Variants in LY6G5C observed in about 807,000 individuals in gnomAD.
The protein encoded by LY6G5C is lymphocyte antigen 6 family member G5C.
A neutral mutation model predicts 10.5 loss-of-function variants in LY6G5C; 6 were observed. The ratio of observed to expected loss-of-function variants is 0.57; its 90% CI spans 0.31 to 1.12. The LOEUF (loss-of-function observed/expected upper bound fraction) is 1.12. Ranked by LOEUF, LY6G5C falls within the 50% of genes most tolerant of loss-of-function variation. LY6G5C has a pLI of 0.05. For synonymous variants in LY6G5C, 69 were observed against 67.8 expected (o/e 1.02, Z -0.09); for missense variants, 160 against 185.5 (o/e 0.86, Z 0.80).
chr6:31,677,134 G>A lies in LY6G5C; in HGVS notation c.290-14C>T. 6.2e-7 allele frequency: 1 copy of A among 1,611,212 alleles called. No individual in the cohort carries two copies. Among genetic ancestry groups the A allele is most frequent in the Non-Finnish European group, 8.5e-7 (1 of 1,179,152 alleles). Reference sequence around the variant, plus strand: ...CAGAACCGCTGCCTGGGGAGGGACAGTGGGCACCAGTGATACGGAAGTCCC... The same window carrying A: ...CAGAACCGCTGCCTGGGGAGGGACAATGGGCACCAGTGATACGGAAGTCCC... On this transcript the variant is annotated splice_polypyrimidine_tract_variant and intron_variant, in intron 2 of 2. Transcript: ENST00000383237.
chr6:31,677,188 C>T, intron 2 of LY6G5C, 68 bp from the exon 3 acceptor site: 1 of 1,473,458 alleles, frequency 6.8e-7, no homozygotes, highest in Non-Finnish European at 9.3e-7. Context: ...CTCTCATCCC[C>T]ACACTCATAA....
Position 31,679,972 on chromosome 6 carries a change from G to C in LY6G5C, c.121+281C>G, listed in dbSNP as rs1029912796. The stretch of plus-strand genomic sequence containing the variant: ...TGAGGCATGAGAATCGCTTGAACCC[G>C]GGAGGTGGAGGTTGCAGTGAGCCGA... On this transcript the variant is annotated intron_variant, in intron 1 of 2. Coordinates refer to ENST00000383237, the Ensembl canonical transcript of LY6G5C. The surrounding 1 kb of genome is among the most constrained non-coding windows in gnomAD (Gnocchi z 4.4). 7 of 293,058 alleles carry C rather than the reference G, an allele frequency of 2.4e-5. No homozygotes were observed. Among genetic ancestry groups the C allele is most frequent in the Admixed American group, 1.7e-4 (4 of 22,920 alleles). The allele number at this position is 293,058 out of a possible 1,614,324, so 18.2% of individuals were successfully genotyped here.
In LY6G5C at chr6:31,679,644, T is replaced by C; in HGVS notation, c.122-376A>G. ...ATTCTGGTTTTCTCATCCAGCACAC[T>C]CCCTAACCCTCCCTATTCTATGTTG... On this transcript the variant is annotated intron_variant, in intron 1 of 2. Transcript: ENST00000383237. This position sits in a 1 kb window ranked among gnomAD's most constrained non-coding sequence, Gnocchi z 4.4. The C allele has an allele frequency of 3.3e-6, 1 of 304,468 alleles. No individual in the cohort carries two copies. Among genetic ancestry groups the C allele is most frequent in the Non-Finnish European group, 6.3e-6 (1 of 159,190 alleles). 18.9% of individuals were successfully genotyped at this position (304,468 alleles called of 1,614,324 possible).
At chr6:31,680,508 A>C, upstream of LY6G5C, 1 of 976,788 alleles carries the variant, frequency 1.0e-6, no homozygotes. The surrounding 1 kb of genome is among the most constrained non-coding windows in gnomAD (Gnocchi z 4.5). Context: ...TCGCACCCAC[A>C]GCCACTCTGG....
chr6:31,680,429 G>A, upstream of LY6G5C: 6 of 1,559,868 alleles, frequency 3.8e-6, no homozygotes, highest in Middle Eastern at 2.3e-4. This position sits in a 1 kb window ranked among gnomAD's most constrained non-coding sequence, Gnocchi z 4.5. Context: ...GGTTGGCCAA[G>A]AGGAAGGAGA....
intron 2 of LY6G5C, among the ~76,000 whole-genome samples, chr6:31,677,763 C>T (rs749961241): frequency 6.6e-6 from 1 of 151,734 alleles, no homozygotes; most frequent in Non-Finnish European, 1.5e-5. Context: ...TGGGTTGGGG[C>T]GGGGGAAGAG....
chr6:31,681,063 T>C, upstream of LY6G5C, among the ~76,000 whole-genome samples: 1 of 130,386 alleles, frequency 7.7e-6, no homozygotes, highest in Admixed American at 7.7e-5. Context: ...ACATGTGGTC[T>C]GTCTCAAAAA....
chr6:31,680,965 T>C (rs369671960), upstream of LY6G5C, among the ~76,000 whole-genome samples: 10 of 150,400 alleles, frequency 6.6e-5, no homozygotes, highest in African/African-American at 2.0e-4. The surrounding 1 kb of genome is among the most constrained non-coding windows in gnomAD (Gnocchi z 4.5). Flanking sequence ...GTTAGAAGAC[T>C]GGACAGATTT....
Position 31,679,996 on chromosome 6 carries a change from G to A in LY6G5C, c.121+257C>T, listed in dbSNP as rs1245865065. ...CGGGAGGTGGAGGTTGCAGTGAGCC[G>A]AGATCTCGCCACTGCACTCCGGCCT... On this transcript the variant is annotated intron_variant, in intron 1 of 2. Transcript: ENST00000383237. This position sits in a 1 kb window ranked among gnomAD's most constrained non-coding sequence, Gnocchi z 4.4. The A allele has an allele frequency of 2.0e-5, 7 of 347,896 alleles. No homozygotes were observed. Among genetic ancestry groups the A allele is most frequent in the Middle Eastern group, 8.9e-4 (1 of 1,126 alleles). 21.6% of individuals were successfully genotyped at this position (347,896 alleles called of 1,614,324 possible).
At chr6:31,680,520 G>T, upstream of LY6G5C, 1 of 844,996 alleles carries the variant, frequency 1.2e-6, no homozygotes, top group Non-Finnish European at 1.8e-6. This position sits in a 1 kb window ranked among gnomAD's most constrained non-coding sequence, Gnocchi z 4.5. Context: ...CCACTCTGGG[G>T]CATAACATCC....
chr6:31,680,875 A>G (rs1013249781), upstream of LY6G5C, among the ~76,000 whole-genome samples: 4 of 152,276 alleles, frequency 2.6e-5, no homozygotes, highest in South Asian at 2.1e-4. This position sits in a 1 kb window ranked among gnomAD's most constrained non-coding sequence, Gnocchi z 4.5. Flanking sequence ...GCTATTCCCG[A>G]GTCCGGTCAC....
chr6:31,679,311 A>G lies in LY6G5C; in HGVS notation c.122-43T>C. On this transcript the variant is annotated intron_variant, in intron 1 of 2. Transcript: ENST00000383237. The surrounding 1 kb of genome is among the most constrained non-coding windows in gnomAD (Gnocchi z 4.4). ...GCTGACCCCACTCACACCCCATTCT[A>G]CCTCACACCCTACCACTGCCTGATT... The G allele has an allele frequency of 2.5e-6, 4 of 1,608,556 alleles. No homozygotes were observed. Among genetic ancestry groups the G allele is most frequent in the Non-Finnish European group, 3.4e-6 (4 of 1,176,130 alleles).
intron 2 of LY6G5C, among the ~76,000 whole-genome samples, chr6:31,678,707 G>A (rs752495916): frequency 1.3e-5 from 2 of 152,154 alleles, no homozygotes; most frequent in East Asian, 3.9e-4. Flanking sequence ...GGCTGGGCAC[G>A]GTGGCTCACG....
chr6:31,677,364 TGAG>T (rs1457219068), intron 2 of LY6G5C, among the ~76,000 whole-genome samples: 1 of 152,038 alleles, frequency 6.6e-6, no homozygotes, highest in Non-Finnish European at 1.5e-5. Flanking sequence ...CTGAGCCAAG[TGAG>T]GAGAACTAGC....
chr6:31,680,158 C>G lies in LY6G5C; in HGVS notation c.121+95G>C. The G allele has an allele frequency of 6.6e-7, 1 of 1,506,732 alleles. No homozygotes were observed. The highest frequency in any genetic ancestry group is 9.2e-7 in the Non-Finnish European group (1 of 1,088,670). 93.3% of individuals were successfully genotyped at this position (1,506,732 alleles called of 1,614,324 possible). A position where few individuals can be genotyped will look rare whatever the true frequency, so the allele number is the denominator to read the frequency against. ...CCATCTCTCCTCCTGCATGGGTTTA[C>G]CTGAGCATCCTGGACAGGTGTACCC... On this transcript the variant is annotated intron_variant, in intron 1 of 2. Coordinates refer to ENST00000383237, the Ensembl canonical transcript of LY6G5C. The surrounding 1 kb of genome is among the most constrained non-coding windows in gnomAD (Gnocchi z 4.5).
Position 31,679,194 on chromosome 6 carries a change from G to A in LY6G5C, c.196C>T (p.Leu66Phe). The A allele has an allele frequency of 6.2e-7, 1 of 1,613,018 alleles. No homozygotes were observed. The highest frequency in any genetic ancestry group is 8.5e-7 in the Non-Finnish European group (1 of 1,180,022). ...CACCCTAACTCCTTGGTCTCCAAGA[G>A]GCATCGGTAGCAGCGCAGGTATTTG... The change falls in exon 2 of 3, where the codon CTC becomes TTC. Residue 66 changes from leucine (L) to phenylalanine (F), a missense_variant. Physicochemically the swap from Leu to Phe is conservative, Grantham distance 22. Coordinates refer to ENST00000383237, the Ensembl canonical transcript of LY6G5C. The surrounding 1 kb of genome is among the most constrained non-coding windows in gnomAD (Gnocchi z 4.4).
upstream of LY6G5C, among the ~76,000 whole-genome samples, chr6:31,680,774 G>C (rs1802845861): frequency 6.6e-6 from 1 of 152,198 alleles, no homozygotes; most frequent in Non-Finnish European, 1.5e-5. This position sits in a 1 kb window ranked among gnomAD's most constrained non-coding sequence, Gnocchi z 4.5. Context: ...TTTCGGCAGA[G>C]GAGTAACTTG....
At chr6:31,678,191 C>A (rs774724329) in intron 2 of LY6G5C, among the ~76,000 whole-genome samples, 6 of 152,154 alleles carry the variant, frequency 3.9e-5, no homozygotes, top group South Asian at 2.1e-4. Context: ...TTATGTGTTA[C>A]GTTTTTGCTA....
chr6:31,677,158 C>T (rs780663684), intron 2 of LY6G5C, 38 bp from the exon 3 acceptor site: 13 of 1,601,904 alleles, frequency 8.1e-6, no homozygotes, highest in African/African-American at 1.3e-5. Context: ...TACGGAAGTC[C>T]CCAGGAAGAG....
Sources: gnomAD v4.1 joint callset for allele counts (sites outside exome capture counted in the v4.1 genomes callset) on GRCh38, gnomAD v4.1.1 for gene constraint, Gnocchi (gnomAD v3.1) non-coding constraint, MANE v1.5 for transcripts, NCBI Gene and HGNC (gene_info 2026-07-23, HGNC 2026-07-21) for gene names.